Variants in PUDP observed in about 807,000 individuals in gnomAD.
The protein encoded by PUDP is pseudouridine 5'-phosphatase.
Under a neutral mutation model 9.4 loss-of-function variants are expected in PUDP, and 8 were observed. The observed-to-expected ratio is 0.85, with a 90% confidence interval of 0.50 to 1.53. The LOEUF (loss-of-function observed/expected upper bound fraction) is 1.53. PUDP is among the 40% of genes most tolerant of loss of function. PUDP has a pLI of 0.00. For synonymous variants in PUDP, 99 were observed against 80.7 expected, an observed-to-expected ratio of 1.23 and a Z score of -1.22; for missense variants, 188 against 189.7, an observed-to-expected ratio of 0.99 and a Z score of 0.05.
In PUDP at chrX:6,903,961, T is replaced by A. The variant is rs1193551891; in HGVS notation, c.*247+73172A>T. Among the ~76,000 whole-genome samples, 8 of 106,573 alleles carry A rather than the reference T, an allele frequency of 7.5e-5. No individual in the cohort carries two copies. The East Asian group carries it at 1.8e-3, about 24-fold the overall frequency. 92.5% of individuals were successfully genotyped at this position (106,573 alleles called of 115,157 possible). Reference sequence around the variant, plus strand: ...TAAAAAATATATATATATTTATTTTTTTTTTTTTGAGATGGAGTCTCACTC... The same window carrying A: ...TAAAAAATATATATATATTTATTTTATTTTTTTTGAGATGGAGTCTCACTC... On this transcript the variant is annotated intron_variant and NMD_transcript_variant, in intron 3 of 3. Coordinates refer to the PUDP transcript ENST00000655425.
chrX:7,121,583 C>T (rs1382102208), intron 1 of PUDP, among the ~76,000 whole-genome samples: 2 of 111,258 alleles, frequency 1.8e-5, no homozygotes, highest in African/African-American at 6.5e-5. Flanking sequence ...GAGCAAGGTA[C>T]CCTAGTTGAC....
At chrX:7,076,296 G>C (rs904946215) in intron 3 of PUDP, among the ~76,000 whole-genome samples, 1 of 111,740 alleles carries the variant, frequency 8.9e-6, no homozygotes, top group African/African-American at 3.3e-5. Flanking sequence ...TCACTGAAAG[G>C]CTCTTCCCCA....
rs1247264317 is a variant in PUDP at position 6,903,957 on chromosome X, T to TA, written c.*247+73175_*247+73176insT. On this transcript the variant is annotated intron_variant and NMD_transcript_variant, in intron 3 of 3. Transcript: ENST00000655425. ...AGTTTAAAAAATATATATATATTTA[T>TA]TTTTTTTTTTTTGAGATGGAGTCTC... Among the ~76,000 whole-genome samples, 136 of 84,841 alleles carry TA rather than the reference T, an allele frequency of 1.6e-3. 1 individual carries two copies. Among genetic ancestry groups the TA allele is most frequent in the East Asian group, 9.6e-3 (24 of 2,496 alleles). The allele number at this position is 84,841 out of a possible 115,157, so 73.7% of individuals were successfully genotyped here.
chrX:6,853,535 G>A (rs903064553), intron 3 of PUDP, among the ~76,000 whole-genome samples: 5 of 109,369 alleles, frequency 4.6e-5, no homozygotes, highest in Non-Finnish European at 7.6e-5. Context: ...GGCATTTAGT[G>A]CATTCACTGT....
chrX:6,886,391 T>C (rs1046552872), intron 3 of PUDP, among the ~76,000 whole-genome samples: 3 of 112,006 alleles, frequency 2.7e-5, no homozygotes, highest in Non-Finnish European at 5.6e-5. Flanking sequence ...GTAAAGTAGG[T>C]TAATTTTTCT....
chrX:6,770,296 G>A (rs1960274608), intron 3 of PUDP, among the ~76,000 whole-genome samples: 1 of 112,308 alleles, frequency 8.9e-6, no homozygotes, highest in Non-Finnish European at 1.9e-5. Flanking sequence ...CAATGGCAGA[G>A]TTGAGTAGAT....
intron 3 of PUDP, among the ~76,000 whole-genome samples, chrX:6,910,910 C>T (rs958149386): frequency 9.1e-6 from 1 of 110,412 alleles, no homozygotes; most frequent in Non-Finnish European, 1.9e-5. Flanking sequence ...GGTGTATCCT[C>T]ACATGGTGGA....
At chrX:6,712,549 C>G (rs978254970) in intron 1 of PUDP, among the ~76,000 whole-genome samples, 2 of 111,987 alleles carry the variant, frequency 1.8e-5, no homozygotes, top group African/African-American at 3.2e-5. Flanking sequence ...CCTCATCTCT[C>G]TAGGCAACAG....
chrX:6,995,362 G>T (rs183691231), intron 1 of PUDP, among the ~76,000 whole-genome samples: 2 of 111,716 alleles, frequency 1.8e-5, no homozygotes, highest in Admixed American at 9.5e-5. Flanking sequence ...AATATCGAAA[G>T]CCTTTGCAGA....
chrX:6,922,619 A>G (rs1252728756), intron 3 of PUDP, among the ~76,000 whole-genome samples: 1 of 111,493 alleles, frequency 9.0e-6, no homozygotes, highest in Non-Finnish European at 1.9e-5. Context: ...AATTTTCAGC[A>G]TCTCCATTCC....
intron 3 of PUDP, among the ~76,000 whole-genome samples, chrX:6,926,922 C>CTTTT (rs61299123): frequency 5.4e-4 from 36 of 66,848 alleles, no homozygotes; most frequent in African/African-American, 9.3e-4. Flanking sequence ...GAGACAATTC[C>CTTTT]TTTTTTTTTT....
At chrX:6,985,266 G>C (rs767829881) in intron 1 of PUDP, among the ~76,000 whole-genome samples, 3 of 111,970 alleles carry the variant, frequency 2.7e-5, no homozygotes, top group Non-Finnish European at 5.6e-5. Flanking sequence ...TTCATCTAAA[G>C]ATATAAGCAA....
intron 3 of PUDP, among the ~76,000 whole-genome samples, chrX:6,759,453 C>A (rs1208925221): frequency 1.8e-5 from 2 of 111,759 alleles, no homozygotes; most frequent in Non-Finnish European, 3.8e-5. Flanking sequence ...AACTTCAACT[C>A]TGGTGACATT....
chrX:6,727,440 G>A (rs1924752315), intron 3 of PUDP, among the ~76,000 whole-genome samples: 1 of 111,675 alleles, frequency 9.0e-6, no homozygotes, highest in Non-Finnish European at 1.9e-5. Context: ...AATTACCATG[G>A]AAGAAATCTA....
chrX:6,869,292 C>T (rs1388423003), intron 3 of PUDP, among the ~76,000 whole-genome samples: 1 of 111,972 alleles, frequency 8.9e-6, no homozygotes, highest in Non-Finnish European at 1.9e-5. Context: ...GGACTGGGCA[C>T]ATTGGGCAGT....
chrX:6,749,788 T>C (rs1925043953), intron 3 of PUDP, among the ~76,000 whole-genome samples: 2 of 111,526 alleles, frequency 1.8e-5, no homozygotes, highest in Non-Finnish European at 3.8e-5. Flanking sequence ...ACACGTTGAG[T>C]CACTAACAAC....
chrX:6,931,366 A>G (rs771140320), intron 3 of PUDP, among the ~76,000 whole-genome samples: 1 of 111,544 alleles, frequency 9.0e-6, no homozygotes, highest in South Asian at 3.8e-4. Flanking sequence ...TATAGAGACG[A>G]GGTCTCGCTA....
intron 3 of PUDP, among the ~76,000 whole-genome samples, chrX:6,904,222 G>C (rs773039267): frequency 2.7e-5 from 3 of 110,749 alleles, no homozygotes; most frequent in Non-Finnish European, 3.8e-5. Context: ...AAAGTGCTGG[G>C]ATTACAAGCA....
intron 2 of PUDP, among the ~76,000 whole-genome samples, chrX:7,086,978 C>T (rs997885038): frequency 4.5e-5 from 5 of 111,801 alleles, no homozygotes; most frequent in Non-Finnish European, 5.6e-5. Context: ...CAGCCAAACA[C>T]GACTGACTGA....
Sources: allele counts gnomAD v4.1 joint callset (sites outside exome capture counted in the v4.1 genomes callset), GRCh38; gene constraint gnomAD v4.1.1; transcripts MANE v1.5; gene names NCBI Gene and HGNC (gene_info 2026-07-23, HGNC 2026-07-21).